Variants in ERG observed in about 807,000 individuals in gnomAD.
ERG encodes the protein transcriptional regulator ERG.
Under a neutral mutation model 55.3 loss-of-function variants are expected in ERG, and 9 were observed. The observed-to-expected ratio is 0.16, with a 90% CI of 0.10 to 0.28. ERG has a LOEUF of 0.28. Ranked by LOEUF, ERG falls within the 10% of genes least tolerant of loss-of-function variation. ERG has a pLI of 1.00. For missense variants in ERG, 434 were observed against 631.6 expected (o/e 0.69, Z 3.35); for synonymous variants, 223 against 237.3 (o/e 0.94, Z 0.55).
intron 1 of ERG, among the ~76,000 whole-genome samples, chr21:38,621,115 G>A (rs949089080): frequency 2.6e-5 from 4 of 152,214 alleles, no homozygotes; most frequent in Non-Finnish European, 5.9e-5. Context: ...GCAACTATCT[G>A]GGAGTCATCG....
chr21:38,587,103 C>G (rs970965739), upstream of ERG, among the ~76,000 whole-genome samples: 4 of 152,222 alleles, frequency 2.6e-5, no homozygotes, highest in African/African-American at 9.6e-5. Context: ...CTATTTCCTT[C>G]TTTATAGTTT....
At chr21:38,558,208 G>C (rs559268338) in intron 2 of ERG, among the ~76,000 whole-genome samples, 1 of 152,090 alleles carries the variant, frequency 6.6e-6, no homozygotes, top group Non-Finnish European at 1.5e-5. Context: ...GAAGAGGCAA[G>C]GAGATGACAG....
intron 6 of ERG, chr21:38,400,325 T>C (rs761793176): frequency 7.1e-5 from 43 of 606,806 alleles, no homozygotes; most frequent in South Asian, 3.4e-4. Context: ...GGATGCCTTC[T>C]TTGCCCATCT....
chr21:38,437,995 C>T lies in ERG; in HGVS notation c.236+7409G>A, dbSNP rs143646260. ...AAGTCAAAGTCCGGCAATGGCCCCA[C>T]GGGCTCTCCAAACTCATCATCTATT... On this transcript the variant is annotated intron_variant, in intron 2 of 9. Coordinates refer to ENST00000288319, the MANE Select transcript of ERG (RefSeq NM_182918.4). 9.1e-4 allele frequency among the ~76,000 whole-genome samples: 138 copies of T among 152,320 alleles called. No homozygotes were observed. In the East Asian group the frequency reaches 0.023, roughly 26 times the overall value.
At chr21:38,512,071 T>A (rs1055654200) in intron 2 of ERG, among the ~76,000 whole-genome samples, 27 of 152,180 alleles carry the variant, frequency 1.8e-4, no homozygotes, top group African/African-American at 6.5e-4. Flanking sequence ...TGGGATAGAT[T>A]GACCTGAAAA....
At chr21:38,599,400 G>A (rs191125922) in intron 1 of ERG, among the ~76,000 whole-genome samples, 9 of 152,276 alleles carry the variant, frequency 5.9e-5, no homozygotes, top group African/African-American at 9.6e-5. Context: ...GAGCCCTTCC[G>A]CACCCTCCCA....
intron 1 of ERG, among the ~76,000 whole-genome samples, chr21:38,580,222 G>A (rs1355132862): frequency 6.6e-6 from 1 of 152,208 alleles, no homozygotes; most frequent in Non-Finnish European, 1.5e-5. Context: ...CAAAGTGCTG[G>A]GATTACAGGC....
chr21:38,404,803 G>C (rs1988683819), intron 3 of ERG, among the ~76,000 whole-genome samples: 1 of 152,154 alleles, frequency 6.6e-6, no homozygotes, highest in East Asian at 1.9e-4. Flanking sequence ...GTCAGGTGTG[G>C]GAGTCACATT....
At chr21:38,616,171 G>A (rs1050855242) in intron 1 of ERG, among the ~76,000 whole-genome samples, 8 of 152,098 alleles carry the variant, frequency 5.3e-5, no homozygotes, top group Non-Finnish European at 1.0e-4. Context: ...TTGTGAAGAA[G>A]GTGCCTGCTT....
At chr21:38,419,194 C>A (rs1253014921) in intron 3 of ERG, among the ~76,000 whole-genome samples, 2 of 152,142 alleles carry the variant, frequency 1.3e-5, no homozygotes, top group Admixed American at 1.3e-4. Flanking sequence ...GGAATTATGG[C>A]CTAACCAGTA....
At chr21:38,407,144 A>G (rs1988810463) in intron 3 of ERG, among the ~76,000 whole-genome samples, 1 of 152,190 alleles carries the variant, frequency 6.6e-6, no homozygotes, top group Admixed American at 6.5e-5. Flanking sequence ...ATTTCTAGAA[A>G]TTTATCCTAA....
chr21:38,509,342 A>C (rs1484727337), intron 2 of ERG, among the ~76,000 whole-genome samples: 3 of 152,222 alleles, frequency 2.0e-5, no homozygotes, highest in African/African-American at 7.2e-5. Context: ...TGTGCTAAGC[A>C]TTGTCGGTCA....
At chr21:38,546,558 T>C (rs1311438060) in intron 2 of ERG, among the ~76,000 whole-genome samples, 6 of 152,138 alleles carry the variant, frequency 3.9e-5, no homozygotes, top group Non-Finnish European at 8.8e-5. Flanking sequence ...AGAGAATGCA[T>C]TTTCATTTTT....
chr21:38,557,429 T>C (rs2059864894), intron 2 of ERG, among the ~76,000 whole-genome samples: 1 of 152,182 alleles, frequency 6.6e-6, no homozygotes, highest in Non-Finnish European at 1.5e-5. Context: ...ACTCAGACAG[T>C]GCTTCTCTAG....
chr21:38,403,285 T>C (rs906993107), intron 4 of ERG, among the ~76,000 whole-genome samples: 2 of 152,174 alleles, frequency 1.3e-5, no homozygotes, highest in African/African-American at 4.8e-5. Flanking sequence ...AAGTGAATTT[T>C]GGCTTCTCCT....
intron 2 of ERG, among the ~76,000 whole-genome samples, chr21:38,434,367 A>G (rs1330732977): frequency 6.6e-6 from 1 of 152,130 alleles, no homozygotes; most frequent in Non-Finnish European, 1.5e-5. Flanking sequence ...TTCAAGGCCT[A>G]TGACCACCTG....
upstream of ERG, among the ~76,000 whole-genome samples, chr21:38,499,351 C>T (rs1459124928): frequency 6.6e-6 from 1 of 152,162 alleles, no homozygotes; most frequent in Non-Finnish European, 1.5e-5. Context: ...GGTCACAGGT[C>T]TGTTTTCTCC....
At chr21:38,409,991 G>A (rs769711262) in intron 3 of ERG, among the ~76,000 whole-genome samples, 4 of 152,188 alleles carry the variant, frequency 2.6e-5, no homozygotes, top group South Asian at 2.1e-4. Flanking sequence ...TTTACTGGAC[G>A]TAAACGTCAA....
chr21:38,572,538 C>A (rs2059965650), intron 2 of ERG, among the ~76,000 whole-genome samples: 1 of 151,962 alleles, frequency 6.6e-6, no homozygotes, highest in African/African-American at 2.4e-5. Context: ...TGTCAAGAAC[C>A]CCAATTTCAT....
Sources: allele counts gnomAD v4.1 joint callset (sites outside exome capture counted in the v4.1 genomes callset), GRCh38; gene constraint gnomAD v4.1.1; transcripts MANE v1.5; gene names NCBI Gene and HGNC (gene_info 2026-07-23, HGNC 2026-07-21).